The following RNASEH1 variants were observed in gnomAD, a reference collection of about 807,000 sequenced individuals.
The protein encoded by RNASEH1 is ribonuclease H type II.
RNASEH1 carries 27 observed loss-of-function variants against 34.6 expected under a neutral mutation model. The observed-to-expected ratio is 0.78, with a 90% CI of 0.58 to 1.08. The LOEUF is 1.08. Ranked by LOEUF, RNASEH1 falls within the 50% of genes least tolerant of loss-of-function variation. The pLI, the probability that RNASEH1 is intolerant of heterozygous loss-of-function variation, is 0.00. For synonymous variants in RNASEH1, 162 were observed against 138.4 expected, an observed-to-expected ratio of 1.17 and a Z score of -1.20; for missense variants, 349 against 373.6, an observed-to-expected ratio of 0.93 and a Z score of 0.54.
chr2:3,548,586 A>G, intron 6 of RNASEH1, 54 bp downstream of exon 6: 1 of 1,241,222 alleles, frequency 8.1e-7, no homozygotes, highest in Admixed American at 1.7e-5. Flanking sequence ...ACCTCCTACC[A>G]ATTTCCCTTC....
the RNASEH1 span, among the ~76,000 whole-genome samples, chr2:3,535,790 A>G: frequency 2.0e-5 from 3 of 152,168 alleles, no homozygotes; most frequent in Admixed American, 2.0e-4. Flanking sequence ...CTGGAGAGGG[A>G]GGAGCTGGGG....
At position 3,543,846 on chromosome 2, in the gene RNASEH1, T is replaced by C. The variant is rs1405545656; in HGVS notation, c.*1939A>G. 1.3e-5 allele frequency among the ~76,000 whole-genome samples: 2 copies of C among 152,108 alleles called. No homozygotes were observed. The highest frequency in any genetic ancestry group is 2.9e-5 in the Non-Finnish European group (2 of 68,028). ...CCAGACTAGTCTCAAACTCCTGGGTTCATGTGATCCTCCAGCCTCAGCCTC... is the reference window on the plus strand; with the variant it reads ...CCAGACTAGTCTCAAACTCCTGGGTCCATGTGATCCTCCAGCCTCAGCCTC... On this transcript the variant is annotated 3_prime_UTR_variant, in exon 8 of 8. Transcript: ENST00000315212.
rs1445351227 is a variant in RNASEH1 at position 3,544,815 on chromosome 2, C to G, written c.*970G>C. The G allele has an allele frequency of 6.6e-6, 1 of 151,066 alleles. No individual in the cohort carries two copies. Among genetic ancestry groups the G allele is most frequent in the East Asian group, 1.9e-4 (1 of 5,160 alleles). 9.4% of individuals were successfully genotyped at this position (151,066 alleles called of 1,614,324 possible). A position where few individuals can be genotyped will look rare whatever the true frequency, so the allele number is the denominator to read the frequency against. On this transcript the variant is annotated 3_prime_UTR_variant, in exon 8 of 8. Coordinates refer to ENST00000315212, the MANE Select transcript of RNASEH1 (RefSeq NM_002936.6). ...TTTGAGACAGAGTCTCACTCTGTTG[C>G]CCAGGATGGAGTGCAGTGGTGCAAT...
At chr2:3,548,526 C>T (rs1668974082) in intron 6 of RNASEH1, 114 bp downstream of exon 6, 2 of 672,828 alleles carry the variant, frequency 3.0e-6, no homozygotes, top group African/African-American at 3.6e-5. Context: ...CGGTACCTGA[C>T]AAACCAATGT....
rs1668589313 is a variant in RNASEH1, at chr2:3,544,800, A to T, written c.*985T>A. 1 of 151,234 alleles carries T rather than the reference A, an allele frequency of 6.6e-6. No individual in the cohort carries two copies. The highest frequency in any genetic ancestry group is 1.5e-5 in the Non-Finnish European group (1 of 67,864). 9.4% of individuals were successfully genotyped at this position (151,234 alleles called of 1,614,324 possible). The stretch of plus-strand genomic sequence containing the variant: ...CTACTTTTTTTTTTTTTTGAGACAG[A>T]GTCTCACTCTGTTGCCCAGGATGGA... On this transcript the variant is annotated 3_prime_UTR_variant, in exon 8 of 8. Transcript: ENST00000315212.
chr2:3,532,191 G>C, the RNASEH1 span: 1 of 694,826 alleles, frequency 1.4e-6, no homozygotes, highest in Non-Finnish European at 2.6e-6. Flanking sequence ...ACCTCCGGGT[G>C]TCAGCACCTG....
downstream of RNASEH1, among the ~76,000 whole-genome samples, chr2:3,538,367 AAT>A (rs200243397): frequency 6.0e-5 from 9 of 150,598 alleles, no homozygotes; most frequent in African/African-American, 1.7e-4. Flanking sequence ...AAATATATAT[AAT>A]ATATATATAT....
At chr2:3,546,214 C>T (rs1186947234) in intron 7 of RNASEH1, among the ~76,000 whole-genome samples, 5 of 152,170 alleles carry the variant, frequency 3.3e-5, no homozygotes, top group South Asian at 2.1e-4. Flanking sequence ...CACACACACA[C>T]GCTTCCCTTG....
In RNASEH1 at chr2:3,548,157, C is replaced by A. The variant is rs575811445; in HGVS notation, c.650-102G>T. The A allele has an allele frequency of 3.5e-6, 5 of 1,412,492 alleles. No homozygotes were observed. In the South Asian group the frequency reaches 6.2e-5, roughly 18 times the overall value. The allele number at this position is 1,412,492 out of a possible 1,614,324, so 87.5% of individuals were successfully genotyped here. A position where few individuals can be genotyped will look rare whatever the true frequency, so the allele number is the denominator to read the frequency against. On this transcript the variant is annotated intron_variant, in intron 6 of 7. Coordinates refer to ENST00000315212, the MANE Select transcript of RNASEH1 (RefSeq NM_002936.6). ...AATTGATCCCACTTGTATTCTGAGT[C>A]ACCATCCTTGACTCTTCACTTCCTT...
chr2:3,534,516 T>C, the RNASEH1 span, among the ~76,000 whole-genome samples: 1 of 152,388 alleles, frequency 6.6e-6, no homozygotes, highest in African/African-American at 2.4e-5. Flanking sequence ...CTGCGGTTCC[T>C]GGTGTCTCTG....
At chr2:3,548,234 C>A (rs546192373) in intron 6 of RNASEH1, among the ~76,000 whole-genome samples, 179 bp from the exon 7 acceptor site, 1 of 152,240 alleles carries the variant, frequency 6.6e-6, no homozygotes, top group Admixed American at 6.5e-5. Flanking sequence ...ACCCTCCTCT[C>A]TTCCCTTTCC....
At chr2:3,532,510 C>T in the RNASEH1 span, among the ~76,000 whole-genome samples, 1 of 152,148 alleles carries the variant, frequency 6.6e-6, no homozygotes, top group African/African-American at 2.4e-5. Flanking sequence ...ATTTCACACC[C>T]CTAGATGGTA....
At position 3,556,803 on chromosome 2, in the gene RNASEH1, G is replaced by A. The variant is rs980124072; in HGVS notation, c.230C>T (p.Pro77Leu). The change falls in exon 2 of 8, where the codon CCG becomes CTG. Residue 77 changes from proline to leucine, a missense_variant. Transcript: ENST00000315212. The part of the protein sequence containing the change: ...AWAFVRKSAS[P>L]EVSEGHENQH... ...GAGGTGACTACCTTCTGAAACTTCC[G>A]GGCTTGCAGATTTCCTGACAAAGGC... 16 of 1,612,918 alleles carry A rather than the reference G, an allele frequency of 9.9e-6. No homozygotes were observed. The highest frequency in any genetic ancestry group is 3.3e-5 in the Admixed American group (2 of 59,988).
intron 2 of RNASEH1, among the ~76,000 whole-genome samples, chr2:3,553,740 C>T (rs949182501): frequency 6.6e-6 from 1 of 152,028 alleles, no homozygotes; most frequent in East Asian, 1.9e-4. Context: ...GGGCCCATAT[C>T]TCACTCACTG....
At chr2:3,539,094 GAT>G (rs1491155359), downstream of RNASEH1, among the ~76,000 whole-genome samples, 2 of 152,032 alleles carry the variant, frequency 1.3e-5, no homozygotes, top group African/African-American at 4.8e-5. Context: ...AGTCCTTTGT[GAT>G]ATGAGTTGCA....
chr2:3,557,547 T>C, intron 1 of RNASEH1: 1 of 252,752 alleles, frequency 4.0e-6, no homozygotes, highest in Non-Finnish European at 7.9e-6. Flanking sequence ...TTTGGTATCT[T>C]GTAGTGGGAA....
At chr2:3,557,047 T>C (rs1165066341) in intron 1 of RNASEH1, 143 bp from the exon 2 acceptor site, 3 of 629,872 alleles carry the variant, frequency 4.8e-6, no homozygotes, top group Non-Finnish European at 8.6e-6. Context: ...CCATCACAGA[T>C]ACCAACATCA....
At chr2:3,555,240 T>C (rs1660371253) in intron 2 of RNASEH1, among the ~76,000 whole-genome samples, 1 of 152,152 alleles carries the variant, frequency 6.6e-6, no homozygotes, top group Admixed American at 6.6e-5. Flanking sequence ...TCAAGTTCTA[T>C]TAACTTAAGA....
At position 3,545,516 on chromosome 2, in the gene RNASEH1, A is replaced by G. The variant is rs1286056871; in HGVS notation, c.*269T>C. The G allele has an allele frequency of 2.5e-6, 1 of 407,340 alleles. No individual in the cohort carries two copies. Among genetic ancestry groups the G allele is most frequent in the African/African-American group, 2.0e-5 (1 of 50,564 alleles). 25.2% of individuals were successfully genotyped at this position (407,340 alleles called of 1,614,324 possible). A position where few individuals can be genotyped will look rare whatever the true frequency, so the allele number is the denominator to read the frequency against. ...AGGCCATTTGCCTTGCTTGCCTGCA[A>G]TAAAACAAGCAAGGACAGTATTGAA... is the stretch of plus-strand genomic sequence containing the variant. On this transcript the variant is annotated 3_prime_UTR_variant, in exon 8 of 8. Transcript: ENST00000315212.
Sources: allele counts gnomAD v4.1 joint callset (sites outside exome capture counted in the v4.1 genomes callset), GRCh38; gene constraint gnomAD v4.1.1; transcripts MANE v1.5; gene names NCBI Gene and HGNC (gene_info 2026-07-23, HGNC 2026-07-21).